The following ST14 variants were observed in gnomAD, a reference collection of about 807,000 sequenced individuals.
ST14 encodes the protein suppressor of tumorigenicity 14 protein.
A neutral mutation model predicts 96.5 loss-of-function variants in ST14; 40 were observed. The ratio of observed to expected loss-of-function variants is 0.41; its 90% CI spans 0.32 to 0.54. ST14 has a LOEUF of 0.54. ST14 is among the 20% of genes least tolerant of loss of function. The pLI, the probability that ST14 is intolerant of heterozygous loss-of-function variation, is 0.17. For missense variants in ST14, 1,066 were observed against 1,188.9 expected (o/e 0.90, Z 1.52); for synonymous variants, 506 against 492.1 (o/e 1.03, Z -0.37).
intron 1 of ST14, among the ~76,000 whole-genome samples, chr11:130,174,273 A>G (rs1953117390): frequency 6.6e-6 from 1 of 152,168 alleles, no homozygotes; most frequent in South Asian, 2.1e-4. Context: ...AAATACACTC[A>G]TTATTTTTGG....
At chr11:130,170,651 TAACCGAGAGGTTAGG>T (rs1953083340) in intron 1 of ST14, among the ~76,000 whole-genome samples, 2 of 151,688 alleles carry the variant, frequency 1.3e-5, no homozygotes, top group East Asian at 2.0e-4. Flanking sequence ...GATGGGTTCC[TAACCGAGAGGTTAGG>T]AACCTCTTGG....
Position 130,196,976 on chromosome 11 carries a change from C to T in ST14, c.1354+276C>T, listed in dbSNP as rs4245087. On this transcript the variant is annotated intron_variant, in intron 11 of 18. Coordinates refer to ENST00000278742, the MANE Select transcript of ST14 (RefSeq NM_021978.4). ...GAGACGCCCCTCATCTGAGCTTCCC[C>T]GGCCATCTGTCCCTCAGGCCCACCT... Among the ~76,000 whole-genome samples the T allele has an allele frequency of 0.69, 105,294 of 151,712 alleles. 36,869 individuals are homozygous for T. Among genetic ancestry groups the T allele is most frequent in the East Asian group, 0.94 (4,817 of 5,140 alleles).
chr11:130,182,774 C>A (rs1953204955), intron 1 of ST14, among the ~76,000 whole-genome samples: 1 of 151,518 alleles, frequency 6.6e-6, no homozygotes, highest in Admixed American at 6.6e-5. Flanking sequence ...TTCAGCCTCC[C>A]GAATAGCTGG....
At position 130,208,638 on chromosome 11, in the gene ST14, CG is replaced by C. The variant is rs768299852; in HGVS notation, c.2225del (p.Gly742AlafsTer20). 1.9e-6 allele frequency: 3 copies of C among 1,614,008 alleles called. No individual in the cohort carries two copies. The highest frequency in any genetic ancestry group is 2.5e-6 in the Non-Finnish European group (3 of 1,179,974). ...CGGACGCCTCCCATGTCTTCCCTGC[CG>C]GCAAGGCCATCTGGGTCACGGGCTG... ...LPDASHVFPAGKAIWVTGWGH... is the reference protein window; with the variant it reads ...LPDASHVFPAXKAIWVTGWGH... On this transcript the variant is annotated frameshift_variant, in exon 17 of 19. Transcript: ENST00000278742. LOFTEE classifies it high-confidence loss of function.
At chr11:130,176,944 C>G (rs1953143982) in intron 1 of ST14, among the ~76,000 whole-genome samples, 1 of 150,926 alleles carries the variant, frequency 6.6e-6, no homozygotes, top group Non-Finnish European at 1.5e-5. Flanking sequence ...GACTACAGGC[C>G]CATACTACCG....
chr11:130,160,831 C>T (rs1320133239), intron 1 of ST14, among the ~76,000 whole-genome samples: 2 of 152,266 alleles, frequency 1.3e-5, no homozygotes, highest in South Asian at 4.1e-4. Context: ...GTGGTAGTGC[C>T]CGGGCGGGAC....
At chr11:130,201,404 A>G (rs1247476603) in intron 16 of ST14, among the ~76,000 whole-genome samples, 1 of 152,230 alleles carries the variant, frequency 6.6e-6, no homozygotes, top group African/African-American at 2.4e-5. Flanking sequence ...CCAAGCCCTC[A>G]GCTGCCCTTT....
At chr11:130,197,997 C>G (rs858715) in intron 12 of ST14, 52 bp downstream of exon 12, 16 of 1,510,448 alleles carry the variant, frequency 1.1e-5, no homozygotes, top group Non-Finnish European at 1.4e-5. Flanking sequence ...CCACCCTGCC[C>G]GCGTCCCATG....
intron 1 of ST14, among the ~76,000 whole-genome samples, chr11:130,163,774 G>T (rs567540932): frequency 2.0e-5 from 3 of 152,270 alleles, no homozygotes; most frequent in Non-Finnish European, 4.4e-5. Context: ...GAAATTCCTC[G>T]TTTAGGAGTT....
rs555935688 is a variant in ST14, at chr11:130,160,116, C to T, written c.81+56C>T. The T allele has an allele frequency of 5.0e-5, 62 of 1,231,342 alleles. 3 individuals are homozygous for T. In the Middle Eastern group the frequency reaches 1.5e-3, roughly 30 times the overall value. The allele number at this position is 1,231,342 out of a possible 1,614,324, so 76.3% of individuals were successfully genotyped here. ...GGAAGCTCCTGCCCGCCCGACCCTG[C>T]AGCGCGGCGCTGGGCTCGGCCGGCT... On this transcript the variant is annotated intron_variant, in intron 1 of 18. Transcript: ENST00000278742.
Position 130,210,005 on chromosome 11 carries a change from G to C in ST14, c.*182G>C, listed in dbSNP as rs1953535691. 2 of 749,602 alleles carry C rather than the reference G, an allele frequency of 2.7e-6. No individual in the cohort carries two copies. The highest frequency in any genetic ancestry group is 4.2e-6 in the Non-Finnish European group (2 of 472,280). The allele number at this position is 749,602 out of a possible 1,614,324, so 46.4% of individuals were successfully genotyped here. ...ACCTCTCGCTTCCTCAGCCTCCAAA[G>C]TGGAGCTGGGAGGTAGAAGGGGAGG... On this transcript the variant is annotated 3_prime_UTR_variant, in exon 19 of 19. Transcript: ENST00000278742.
At chr11:130,193,495 A>T (rs1953325884) in intron 7 of ST14, among the ~76,000 whole-genome samples, 1 of 126,388 alleles carries the variant, frequency 7.9e-6, no homozygotes, top group Admixed American at 7.9e-5. Context: ...TTTTTCTGAC[A>T]GTCTCGCTGT....
At position 130,202,800 on chromosome 11, in the gene ST14, C is replaced by A. The variant is rs550554620; in HGVS notation, c.1994+2663C>A. Among the ~76,000 whole-genome samples, 7 of 152,348 alleles carry A rather than the reference C, an allele frequency of 4.6e-5. No individual in the cohort carries two copies. The South Asian group carries it at 1.0e-3, about 23-fold the overall frequency. On this transcript the variant is annotated intron_variant, in intron 16 of 18. Transcript: ENST00000278742. Reference sequence around the variant, plus strand: ...TCTTCGGCAAGTTGCCCTCTCTGTGCTTGAGTCCTCATCTTAAAAAGCGCG... The same window carrying A: ...TCTTCGGCAAGTTGCCCTCTCTGTGATTGAGTCCTCATCTTAAAAAGCGCG...
Position 130,180,845 on chromosome 11 carries a change from G to A in ST14, c.82-7269G>A, listed in dbSNP as rs140869687. 7.8e-4 allele frequency among the ~76,000 whole-genome samples: 119 copies of A among 151,822 alleles called. 1 individual carries two copies. Among genetic ancestry groups the A allele is most frequent in the African/African-American group, 2.6e-3 (107 of 41,418 alleles). ...AGAAATCAGTGTTTTTTTTCTTTTC[G>A]TTTTGGAGAGCCCGGCCTTGGGGAG... On this transcript the variant is annotated intron_variant, in intron 1 of 18. Transcript: ENST00000278742.
chr11:130,198,921 C>A, intron 14 of ST14, 26 bp from the exon 15 acceptor site: 1 of 1,613,584 alleles, frequency 6.2e-7, no homozygotes, highest in South Asian at 1.1e-5. Flanking sequence ...GAATTGAGCC[C>A]CTCCCTTGTC....
chr11:130,209,903 T>G lies in ST14; in HGVS notation c.*80T>G, dbSNP rs2136222662. ...GTGTGCACGCCTGCAGGCTGGAGACTGGACCGCTGACTGCACCAGCGCCCC... is the reference window on the plus strand; with the variant it reads ...GTGTGCACGCCTGCAGGCTGGAGACGGGACCGCTGACTGCACCAGCGCCCC... On this transcript the variant is annotated 3_prime_UTR_variant, in exon 19 of 19. Coordinates refer to ENST00000278742, the MANE Select transcript of ST14 (RefSeq NM_021978.4). The G allele has an allele frequency of 6.5e-7, 1 of 1,548,180 alleles. No homozygotes were observed. Among genetic ancestry groups the G allele is most frequent in the Non-Finnish European group, 8.8e-7 (1 of 1,136,360 alleles).
In ST14 at chr11:130,164,529, C is replaced by T. The variant is rs150765128; in HGVS notation, c.81+4469C>T. Among the ~76,000 whole-genome samples the T allele has an allele frequency of 4.1e-3, 622 of 151,916 alleles. 18 individuals carry two copies. In the East Asian group the frequency reaches 0.058, roughly 14 times the overall value. ...TGACCTCCCGGCTCAAGCAATCCTC[C>T]TGCCTCAGCTTTCTCAGTAGCTGGG... On this transcript the variant is annotated intron_variant, in intron 1 of 18. Transcript: ENST00000278742.
At chr11:130,190,799 G>A (rs1304697415) in intron 7 of ST14, 105 bp downstream of exon 7, 20 of 1,390,308 alleles carry the variant, frequency 1.4e-5, no homozygotes, top group Admixed American at 2.5e-5. Flanking sequence ...CTTGGCCGCA[G>A]GCCACTGCTA....
At chr11:130,195,393 G>A (rs952716860) in intron 9 of ST14, among the ~76,000 whole-genome samples, 2 of 152,164 alleles carry the variant, frequency 1.3e-5, no homozygotes, top group African/African-American at 4.8e-5. Flanking sequence ...GGCAGTTGCT[G>A]AAGCTCCCTG....
Sources: allele counts gnomAD v4.1 joint callset (sites outside exome capture counted in the v4.1 genomes callset), GRCh38; gene constraint gnomAD v4.1.1; transcripts MANE v1.5; gene names NCBI Gene and HGNC (gene_info 2026-07-23, HGNC 2026-07-21).